The following KCNN3 variants were observed in gnomAD, a reference collection of about 807,000 sequenced individuals.
KCNN3 encodes small conductance calcium-activated potassium channel protein 3.
Under a neutral mutation model 62.9 loss-of-function variants are expected in KCNN3, and 16 were observed. That is an observed-to-expected ratio of 0.25 (90% CI 0.17 to 0.39). The LOEUF is 0.39. Among genes scored for constraint, KCNN3 ranks in the 10% least tolerant of loss-of-function variants. The pLI is 1.00. For missense variants in KCNN3, 599 were observed against 949.4 expected (o/e 0.63, Z 4.85); for synonymous variants, 370 against 389.2 (o/e 0.95, Z 0.58).
In KCNN3 at chr1:154,724,919, C is replaced by T. The variant is rs553691948; in HGVS notation, c.1701+997G>A. On this transcript the variant is annotated intron_variant, in intron 5 of 7. Transcript: ENST00000271915. ...TCGCCCAGGCTGGAGTGCAGTGGCG[C>T]GATCTCGGTTCACTGCAACCTCCGC... 3.2e-4 allele frequency among the ~76,000 whole-genome samples: 48 copies of T among 150,756 alleles called. 3 individuals are homozygous for T. Among genetic ancestry groups the T allele is most frequent in the East Asian group, 1.4e-3 (7 of 5,130 alleles).
Position 154,869,621 on chromosome 1 carries a change from T to G in KCNN3, c.344A>C (p.Asn115Thr). 6.2e-7 allele frequency: 1 copy of G among 1,612,784 alleles called. No homozygotes were observed. The highest frequency in any genetic ancestry group is 8.5e-7 in the Non-Finnish European group (1 of 1,179,572). ...GGAAGGGTGGAGGATGGCGGTGGAG[T>G]TGGACGAAGGGGGGGCCCTGAAAGC... ...PTAFRAPPSS[N>T]STAILHPSSR... Residue 115 changes from asparagine to threonine, a missense_variant, in exon 1 of 8, where the codon AAC (asparagine) becomes ACC (threonine). Asn to Thr is a moderately conservative substitution (Grantham distance 65). Coordinates refer to ENST00000271915, the MANE Select transcript of KCNN3 (RefSeq NM_002249.6). This position sits in a 1 kb window ranked among gnomAD's most constrained non-coding sequence, Gnocchi z 6.1.
rs1699914658 is a variant in KCNN3 at position 154,703,863 on chromosome 1, C to A, written c.*4113G>T. 6.6e-6 allele frequency: 1 copy of A among 152,154 alleles called. No individual in the cohort carries two copies. The allele number at this position is 152,154 out of a possible 1,614,324, so 9.4% of individuals were successfully genotyped here. On this transcript the variant is annotated 3_prime_UTR_variant, in exon 8 of 8. Coordinates refer to ENST00000271915, the MANE Select transcript of KCNN3 (RefSeq NM_002249.6). ...GATGACAAAGGTGATTTCATTTGTT[C>A]TCTATTGAAAACATTGTACTTAAGA...
intron 1 of KCNN3, among the ~76,000 whole-genome samples, chr1:154,846,967 G>A (rs1021172309): frequency 5.9e-5 from 9 of 152,238 alleles, no homozygotes; most frequent in African/African-American, 2.2e-4. Context: ...ACCAAAGCAG[G>A]CACCGGACTC....
intron 3 of KCNN3, among the ~76,000 whole-genome samples, chr1:154,741,738 A>G (rs1355511729): frequency 6.6e-6 from 1 of 150,418 alleles, no homozygotes; most frequent in Non-Finnish European, 1.5e-5. Context: ...GATTCTTTTC[A>G]CATGGATCTA....
chr1:154,774,168 A>G (rs1320490512), intron 2 of KCNN3, among the ~76,000 whole-genome samples: 2 of 152,198 alleles, frequency 1.3e-5, no homozygotes, highest in Non-Finnish European at 2.9e-5. Context: ...CTATGTAACT[A>G]TTAGCTATTC....
At chr1:154,795,933 C>T (rs995095144) in intron 2 of KCNN3, among the ~76,000 whole-genome samples, 2 of 152,192 alleles carry the variant, frequency 1.3e-5, no homozygotes, top group Non-Finnish European at 2.9e-5. Context: ...ATCTGCCCCC[C>T]TGGGGAGTCT....
Position 154,698,904 on chromosome 1 carries a change from A to AC in KCNN3, c.*9071dup, listed in dbSNP as rs1328046187. The AC allele has an allele frequency of 2.0e-5, 3 of 152,130 alleles. No homozygotes were observed. The highest frequency in any genetic ancestry group is 4.4e-5 in the Non-Finnish European group (3 of 68,026). 9.4% of individuals were successfully genotyped at this position (152,130 alleles called of 1,614,324 possible). On this transcript the variant is annotated 3_prime_UTR_variant, in exon 8 of 8. Transcript: ENST00000271915. ...GGAACACAGTAACAACGCGAACAAA[A>AC]CCACACAGAGCATGTGAAGACCGGG...
chr1:154,743,795 C>T (rs974930412), intron 3 of KCNN3, among the ~76,000 whole-genome samples: 8 of 152,114 alleles, frequency 5.3e-5, no homozygotes, highest in African/African-American at 1.4e-4. Flanking sequence ...GTTCCCAGCA[C>T]GTTTAAGGTA....
intron 3 of KCNN3, among the ~76,000 whole-genome samples, chr1:154,751,093 G>A (rs1248080003): frequency 1.3e-5 from 2 of 152,196 alleles, no homozygotes; most frequent in Non-Finnish European, 1.5e-5. Flanking sequence ...CTAGCCACAG[G>A]GCATCAGATG....
chr1:154,837,051 C>T (rs932615289), intron 1 of KCNN3, among the ~76,000 whole-genome samples: 4 of 152,106 alleles, frequency 2.6e-5, no homozygotes, highest in African/African-American at 9.7e-5. Context: ...CTTTTGTTTC[C>T]TCGTTCCACT....
rs1005585970 is a variant in KCNN3, at chr1:154,703,854, T to G, written c.*4122A>C. On this transcript the variant is annotated 3_prime_UTR_variant, in exon 8 of 8. Transcript: ENST00000271915. ...GCTGCTGTTGATGACAAAGGTGATT[T>G]CATTTGTTCTCTATTGAAAACATTG... 6.6e-6 allele frequency: 1 copy of G among 152,234 alleles called. No homozygotes were observed. The highest frequency in any genetic ancestry group is 1.5e-5 in the Non-Finnish European group (1 of 68,036). The allele number at this position is 152,234 out of a possible 1,614,324, so 9.4% of individuals were successfully genotyped here. A position where few individuals can be genotyped will look rare whatever the true frequency, so the allele number is the denominator to read the frequency against.
intron 1 of KCNN3, among the ~76,000 whole-genome samples, chr1:154,826,736 A>T (rs968772555): frequency 6.6e-6 from 1 of 152,234 alleles, no homozygotes; most frequent in Non-Finnish European, 1.5e-5. Context: ...CCTGCCTTGT[A>T]GCTTCCAAAA....
rs1001530860 is a variant in KCNN3 at position 154,713,603 on chromosome 1, T to C, written c.1830-70A>G. 3.4e-5 allele frequency: 44 copies of C among 1,277,732 alleles called. No homozygotes were observed. The African/African-American group carries it at 6.0e-4, about 17-fold the overall frequency. The allele number at this position is 1,277,732 out of a possible 1,614,324, so 79.1% of individuals were successfully genotyped here. ...AAGGTTTAGCCCCACCAGCAGATCCTCCAGCCCTACCACTGCCTCTGATTT... is the reference window on the plus strand; with the variant it reads ...AAGGTTTAGCCCCACCAGCAGATCCCCCAGCCCTACCACTGCCTCTGATTT... On this transcript the variant is annotated intron_variant, in intron 6 of 7. Transcript: ENST00000271915.
intron 3 of KCNN3, among the ~76,000 whole-genome samples, chr1:154,741,884 CAG>C (rs2101802883): frequency 6.6e-6 from 1 of 152,346 alleles, no homozygotes; most frequent in Non-Finnish European, 1.5e-5. Context: ...GGTCAATCTT[CAG>C]AGTCACACAG....
intron 2 of KCNN3, among the ~76,000 whole-genome samples, chr1:154,801,848 T>C (rs1025108270): frequency 6.6e-6 from 1 of 152,124 alleles, no homozygotes; most frequent in African/African-American, 2.4e-5. Flanking sequence ...CTCTGTTTGC[T>C]GATGTCAGCA....
intron 1 of KCNN3, among the ~76,000 whole-genome samples, chr1:154,843,979 G>A (rs753594329): frequency 2.0e-5 from 3 of 152,208 alleles, no homozygotes; most frequent in Non-Finnish European, 2.9e-5. Context: ...AAAGTAGGAG[G>A]GGGGGCTGCA....
chr1:154,823,179 G>GA (rs1439201184), intron 1 of KCNN3, among the ~76,000 whole-genome samples: 1 of 152,190 alleles, frequency 6.6e-6, no homozygotes, highest in Admixed American at 6.5e-5. Flanking sequence ...GTCTGGGTTG[G>GA]AACTTGGTGC....
intron 2 of KCNN3, among the ~76,000 whole-genome samples, chr1:154,802,979 C>A (rs1037521068): frequency 1.6e-4 from 24 of 152,326 alleles, no homozygotes; most frequent in Non-Finnish European, 2.8e-4. Context: ...CCTTTTCACG[C>A]CGTGCATGAC....
intron 5 of KCNN3, among the ~76,000 whole-genome samples, chr1:154,722,823 C>T (rs931377162): frequency 4.6e-5 from 7 of 151,298 alleles, no homozygotes; most frequent in African/African-American, 1.7e-4. Flanking sequence ...ACTCTGCCTC[C>T]CAGATTCAAG....
Sources: allele counts gnomAD v4.1 joint callset (sites outside exome capture counted in the v4.1 genomes callset), GRCh38; gene constraint gnomAD v4.1.1; non-coding constraint Gnocchi (gnomAD v3.1); transcripts MANE v1.5; gene names NCBI Gene and HGNC (gene_info 2026-07-23, HGNC 2026-07-21).